Variants in IQGAP2 observed in about 807,000 individuals in gnomAD.
IQGAP2 encodes the protein IQ motif containing GTPase activating protein 2, also known as ras GTPase-activating-like protein IQGAP2.
Under a neutral mutation model 201.3 loss-of-function variants are expected in IQGAP2, and 173 were observed. That is an observed-to-expected ratio of 0.86 (90% CI 0.76 to 0.98). IQGAP2 has a LOEUF of 0.98. Ranked by LOEUF, IQGAP2 falls within the 50% of genes least tolerant of loss-of-function variation. IQGAP2 has a pLI of 0.00. For missense variants in IQGAP2, 1,687 were observed against 1,864.8 expected (o/e 0.90, Z 1.76); for synonymous variants, 675 against 673.9 (o/e 1.00, Z -0.03).
In IQGAP2 at chr5:76,624,288, A is replaced by C. The variant is rs546468944; in HGVS notation, c.1522-3122A>C. The C allele has an allele frequency of 4.6e-5, 7 of 152,316 alleles. No individual in the cohort carries two copies. In the South Asian group the frequency reaches 1.4e-3, roughly 32 times the overall value. 9.4% of individuals were successfully genotyped at this position (152,316 alleles called of 1,614,324 possible). On this transcript the variant is annotated intron_variant, in intron 13 of 35. Coordinates refer to ENST00000274364, the MANE Select transcript of IQGAP2 (RefSeq NM_006633.5). The stretch of plus-strand genomic sequence containing the variant: ...ATATACAGTAAAAAAATGCATTATA[A>C]CACATTTTTCTGTAGTTAATAAAAC...
chr5:76,583,332 G>A (rs74602434), intron 5 of IQGAP2, among the ~76,000 whole-genome samples: 2,162 of 152,028 alleles, frequency 0.014, 52 homozygotes, highest in African/African-American at 0.049. Context: ...ACATTTGCCC[G>A]TTTGAGTAAT....
At chr5:76,703,177 A>G (rs986548992) in intron 35 of IQGAP2, among the ~76,000 whole-genome samples, 1 of 151,372 alleles carries the variant, frequency 6.6e-6, no homozygotes, top group African/African-American at 2.4e-5. Context: ...GGGCATTGAG[A>G]AAGGGTCTTG....
chr5:76,575,475 C>T (rs1412507795), intron 4 of IQGAP2, among the ~76,000 whole-genome samples: 1 of 152,172 alleles, frequency 6.6e-6, no homozygotes, highest in Non-Finnish European at 1.5e-5. Flanking sequence ...GGGACCCCAC[C>T]ATCCTCCTGT....
At chr5:76,595,282 T>A (rs1266293940) in intron 9 of IQGAP2, among the ~76,000 whole-genome samples, 1 of 134,694 alleles carries the variant, frequency 7.4e-6, no homozygotes, top group Admixed American at 7.9e-5. Context: ...CCGGACAGGG[T>A]CTTATTCTAT....
At chr5:76,658,688 T>C (rs767856586) in intron 21 of IQGAP2, 21 bp downstream of exon 21, 1 of 1,599,864 alleles carries the variant, frequency 6.3e-7, no homozygotes, top group East Asian at 2.2e-5. Context: ...TTTTTGGGAC[T>C]GTCAGCTCCC....
intron 2 of IQGAP2, among the ~76,000 whole-genome samples, chr5:76,557,060 A>G (rs1744000077): frequency 6.6e-6 from 1 of 152,186 alleles, no homozygotes. Context: ...AAACAGTGAC[A>G]ACATCTATGT....
chr5:76,665,477 G>A (rs1429562258), intron 22 of IQGAP2, among the ~76,000 whole-genome samples: 1 of 152,158 alleles, frequency 6.6e-6, no homozygotes, highest in African/African-American at 2.4e-5. Flanking sequence ...TGACTTCAGA[G>A]ACCATGCTCT....
chr5:76,520,192 G>C (rs905329227), intron 2 of IQGAP2, among the ~76,000 whole-genome samples: 1 of 151,604 alleles, frequency 6.6e-6, no homozygotes, highest in Non-Finnish European at 1.5e-5. Flanking sequence ...AACAATTTCG[G>C]GTTAATTTTT....
chr5:76,575,341 A>C (rs531617415), intron 4 of IQGAP2, among the ~76,000 whole-genome samples: 1 of 152,132 alleles, frequency 6.6e-6, no homozygotes, highest in Non-Finnish European at 1.5e-5. Flanking sequence ...GGCCCATGGG[A>C]CCTCTGGGAA....
intron 2 of IQGAP2, among the ~76,000 whole-genome samples, chr5:76,510,979 G>A (rs1454157565): frequency 1.3e-5 from 2 of 152,202 alleles, no homozygotes; most frequent in Non-Finnish European, 2.9e-5. Context: ...TATGACAGTT[G>A]GATCATGGCC....
chr5:76,472,792 G>A (rs1259122845), intron 2 of IQGAP2, among the ~76,000 whole-genome samples: 4 of 152,188 alleles, frequency 2.6e-5, no homozygotes, highest in Admixed American at 2.6e-4. Flanking sequence ...GACAAGTTGA[G>A]CAACTGATAT....
chr5:76,612,281 G>A (rs151246608), intron 13 of IQGAP2, among the ~76,000 whole-genome samples: 2,643 of 152,176 alleles, frequency 0.017, 31 homozygotes, highest in South Asian at 0.075. Flanking sequence ...CCAGGAGTTC[G>A]AGACCAGCCT....
intron 9 of IQGAP2, among the ~76,000 whole-genome samples, chr5:76,593,279 A>T (rs576954002): frequency 6.6e-6 from 1 of 152,176 alleles, no homozygotes; most frequent in African/African-American, 2.4e-5. Context: ...TTATGCGATG[A>T]TGTTCTATTG....
At chr5:76,581,823 A>G (rs1745871038) in intron 5 of IQGAP2, among the ~76,000 whole-genome samples, 1 of 152,206 alleles carries the variant, frequency 6.6e-6, no homozygotes, top group South Asian at 2.1e-4. Flanking sequence ...AGATGGAAAA[A>G]TTTGGTTCAG....
At chr5:76,644,063 C>T (rs1751805837) in intron 17 of IQGAP2, among the ~76,000 whole-genome samples, 1 of 151,872 alleles carries the variant, frequency 6.6e-6, no homozygotes, top group African/African-American at 2.4e-5. Flanking sequence ...AGTTATCAAG[C>T]ATAGCAGCCA....
At chr5:76,652,882 C>T (rs780625963) in intron 18 of IQGAP2, 49 bp downstream of exon 18, 3 of 1,195,698 alleles carry the variant, frequency 2.5e-6, no homozygotes, top group African/African-American at 1.5e-5. Flanking sequence ...AACGTTTCCC[C>T]TCATTTCATG....
chr5:76,410,443 G>A (rs1751047184), intron 1 of IQGAP2, among the ~76,000 whole-genome samples: 1 of 152,160 alleles, frequency 6.6e-6, no homozygotes, highest in Non-Finnish European at 1.5e-5. Flanking sequence ...TTAGAGACAT[G>A]GGTGAGTGGC....
At chr5:76,414,345 G>A (rs1055557764) in intron 1 of IQGAP2, among the ~76,000 whole-genome samples, 1 of 151,960 alleles carries the variant, frequency 6.6e-6, no homozygotes, top group Non-Finnish European at 1.5e-5. Context: ...CCCCTAAACT[G>A]TGCTTCCTCA....
chr5:76,651,541 T>C (rs1005716389), intron 17 of IQGAP2, among the ~76,000 whole-genome samples: 26 of 152,256 alleles, frequency 1.7e-4, no homozygotes, highest in African/African-American at 6.3e-4. Flanking sequence ...AGGTGGAGGC[T>C]GCAGTGAGCC....
Sources: allele counts gnomAD v4.1 joint callset (sites outside exome capture counted in the v4.1 genomes callset), GRCh38; gene constraint gnomAD v4.1.1; transcripts MANE v1.5; gene names NCBI Gene and HGNC (gene_info 2026-07-23, HGNC 2026-07-21).